The following ARL13B variants were observed in gnomAD, a reference collection of about 807,000 sequenced individuals.
ARL13B encodes the protein ARF like GTPase 13B.
In ARL13B, 36 loss-of-function variants were observed where a neutral mutation model predicts 56.1. The observed-to-expected ratio is 0.64, with a 90% confidence interval of 0.49 to 0.85. ARL13B has a LOEUF of 0.85. Among genes scored for constraint, ARL13B ranks in the 40% least tolerant of loss-of-function variants. ARL13B has a pLI of 0.00. For synonymous variants in ARL13B, 178 were observed against 171.1 expected (o/e 1.04, Z -0.32); for missense variants, 519 against 507.1 (o/e 1.02, Z -0.23).
chr3:94,049,028 A>G (rs576483465), intron 7 of ARL13B, among the ~76,000 whole-genome samples: 212 of 152,356 alleles, frequency 1.4e-3, no homozygotes, highest in African/African-American at 4.8e-3. Context: ...AAAATCAAAT[A>G]TACTGAGTGA....
intron 2 of ARL13B, among the ~76,000 whole-genome samples, chr3:93,996,277 T>TA (rs1438026402): frequency 2.0e-5 from 3 of 152,158 alleles, no homozygotes; most frequent in Admixed American, 6.5e-5. Context: ...ATCTTCTACT[T>TA]ACATTTTCCT....
intron 6 of ARL13B, 119 bp from the exon 7 acceptor site, chr3:94,042,896 G>T: frequency 1.4e-6 from 1 of 734,162 alleles, no homozygotes; most frequent in Non-Finnish European, 2.2e-6. Flanking sequence ...TTTTAAAATA[G>T]AAGTCTCACA....
At chr3:94,040,470 T>C (rs1290438287) in intron 6 of ARL13B, among the ~76,000 whole-genome samples, 1 of 152,176 alleles carries the variant, frequency 6.6e-6, no homozygotes, top group Non-Finnish European at 1.5e-5. Flanking sequence ...ATCATTTATT[T>C]CCATTTTAAA....
intron 1 of ARL13B, among the ~76,000 whole-genome samples, chr3:93,995,243 T>C (rs1327684490): frequency 2.0e-5 from 3 of 152,344 alleles, no homozygotes; most frequent in Non-Finnish European, 1.5e-5. Context: ...AGTCTGTAAC[T>C]GATTCATTGT....
intron 2 of ARL13B, among the ~76,000 whole-genome samples, chr3:94,000,619 ATGTGTG>A (rs546779411): frequency 7.4e-5 from 11 of 148,844 alleles, no homozygotes; most frequent in African/African-American, 2.5e-4. Flanking sequence ...TTATTTGTGT[ATGTGTG>A]TGTGTGTGTG....
chr3:94,048,426 G>T (rs1210389759), intron 7 of ARL13B, among the ~76,000 whole-genome samples: 1 of 152,108 alleles, frequency 6.6e-6, no homozygotes, highest in Admixed American at 6.5e-5. Flanking sequence ...CATTAACATA[G>T]ATTTCCTTAA....
At chr3:94,013,685 C>T (rs918580557) in intron 3 of ARL13B, among the ~76,000 whole-genome samples, 1 of 152,204 alleles carries the variant, frequency 6.6e-6, no homozygotes, top group Admixed American at 6.5e-5. Flanking sequence ...GTGGCTCACA[C>T]CTGTAATTCC....
intron 3 of ARL13B, among the ~76,000 whole-genome samples, chr3:94,030,112 G>A (rs1482048180): frequency 3.3e-5 from 5 of 152,118 alleles, no homozygotes; most frequent in Admixed American, 6.5e-5. Context: ...AACTAAACAC[G>A]AATGAAAATG....
At chr3:94,016,727 A>G (rs913869937) in intron 3 of ARL13B, among the ~76,000 whole-genome samples, 1 of 151,690 alleles carries the variant, frequency 6.6e-6, no homozygotes. Context: ...GCTCACTGCA[A>G]CTTCTGCCTC....
At chr3:94,000,479 G>A (rs887548670) in intron 2 of ARL13B, among the ~76,000 whole-genome samples, 1 of 151,734 alleles carries the variant, frequency 6.6e-6, no homozygotes, top group African/African-American at 2.4e-5. Context: ...TTCTTTGCGT[G>A]GACTGGTCCC....
At chr3:93,994,090 C>T (rs371737746) in intron 1 of ARL13B, among the ~76,000 whole-genome samples, 6 of 152,152 alleles carry the variant, frequency 3.9e-5, no homozygotes, top group African/African-American at 1.2e-4. Context: ...ACATGGAATT[C>T]GTTTTACTCA....
intron 1 of ARL13B, among the ~76,000 whole-genome samples, chr3:93,982,461 T>C (rs189558972): frequency 8.5e-5 from 13 of 152,332 alleles, no homozygotes; most frequent in African/African-American, 2.9e-4. Flanking sequence ...AAAAAAGATT[T>C]ATTATGCAAA....
intron 1 of ARL13B, among the ~76,000 whole-genome samples, chr3:93,981,742 CG>C (rs1257177848): frequency 2.0e-5 from 3 of 151,738 alleles, no homozygotes; most frequent in East Asian, 1.9e-4. Flanking sequence ...GGCACGGTGA[CG>C]CACGCCTGTA....
intron 3 of ARL13B, chr3:94,028,640 C>T (rs374313936): frequency 6.6e-6 from 1 of 152,166 alleles, no homozygotes; most frequent in Non-Finnish European, 1.5e-5. Context: ...CTGTTAGACG[C>T]CTATTCTTTA....
In ARL13B at chr3:94,045,758, C is replaced by T. The variant is rs137885744; in HGVS notation, c.1024+2518C>T. The stretch of plus-strand genomic sequence containing the variant: ...CGGGAGGATCACGAGGACAGGAGAT[C>T]GAGACCACAGTAGAGACCCCGTCTC... On this transcript the variant is annotated intron_variant, in intron 7 of 9. Transcript: ENST00000394222. 7.6e-3 allele frequency among the ~76,000 whole-genome samples: 1,147 copies of T among 151,254 alleles called. 5 individuals are homozygous for T. The highest frequency in any genetic ancestry group is 0.011 in the Non-Finnish European group (729 of 67,796).
At chr3:94,045,323 C>T (rs1199158544) in intron 7 of ARL13B, among the ~76,000 whole-genome samples, 1 of 151,956 alleles carries the variant, frequency 6.6e-6, no homozygotes, top group African/African-American at 2.4e-5. Flanking sequence ...CTGCAGGGAG[C>T]TCTGCCTAGG....
chr3:94,003,037 T>A (rs1445123942), intron 2 of ARL13B, among the ~76,000 whole-genome samples: 1 of 152,198 alleles, frequency 6.6e-6, no homozygotes, highest in Non-Finnish European at 1.5e-5. Context: ...TGTATCTTCT[T>A]TATGTTTTCG....
intron 3 of ARL13B, 97 bp downstream of exon 3, chr3:94,004,005 A>C (rs1278295124): frequency 6.5e-7 from 1 of 1,539,344 alleles, no homozygotes; most frequent in Non-Finnish European, 8.9e-7. Flanking sequence ...TAAAATAGTC[A>C]CGCTTTAGTA....
At chr3:94,014,086 A>G (rs2076277450) in intron 3 of ARL13B, among the ~76,000 whole-genome samples, 1 of 152,206 alleles carries the variant, frequency 6.6e-6, no homozygotes, top group South Asian at 2.1e-4. Context: ...AGAAATGTAT[A>G]ATATAGAGCT....
Sources: allele counts gnomAD v4.1 joint callset (sites outside exome capture counted in the v4.1 genomes callset), GRCh38; gene constraint gnomAD v4.1.1; transcripts MANE v1.5; gene names NCBI Gene and HGNC (gene_info 2026-07-23, HGNC 2026-07-21).